HECTD2: variants seen among roughly 807,000 people sequenced by gnomAD.
HECTD2 encodes the protein HECT domain E3 ubiquitin protein ligase 2, also known as probable E3 ubiquitin-protein ligase HECTD2.
Under a neutral mutation model 103.2 loss-of-function variants are expected in HECTD2, and 35 were observed. That is an observed-to-expected ratio of 0.34 (90% confidence interval 0.26 to 0.45). HECTD2 has a LOEUF of 0.45. HECTD2 is among the 20% of genes least tolerant of loss of function. The pLI is 1.00. For synonymous variants in HECTD2, 281 were observed against 329.9 expected (o/e 0.85, Z 1.61); for missense variants, 596 against 937.4 (o/e 0.64, Z 4.76).
chr10:91,502,372 T>C (rs1404182153), intron 20 of HECTD2, among the ~76,000 whole-genome samples: 1 of 152,194 alleles, frequency 6.6e-6, no homozygotes. Context: ...AATGTTGACT[T>C]CCTCTGTAAA....
Position 91,492,590 on chromosome 10 carries a change from C to T in HECTD2, c.1432+106C>T, listed in dbSNP as rs188662839. Reference sequence around the variant, plus strand: ...TTCTGTGATTTTACAGACTTTTTGTCCATCGTAAATGTTGAATAATTGTTT... The same window carrying T: ...TTCTGTGATTTTACAGACTTTTTGTTCATCGTAAATGTTGAATAATTGTTT... On this transcript the variant is annotated intron_variant, in intron 13 of 20. Transcript: ENST00000298068. 9.7e-5 allele frequency: 86 copies of T among 882,704 alleles called. No homozygotes were observed. The East Asian group carries it at 2.1e-3, about 21-fold the overall frequency. 54.7% of individuals were successfully genotyped at this position (882,704 alleles called of 1,614,324 possible). A position where few individuals can be genotyped will look rare whatever the true frequency, so the allele number is the denominator to read the frequency against.
chr10:91,503,085 TA>T (rs1245639123), intron 20 of HECTD2, among the ~76,000 whole-genome samples: 5 of 152,112 alleles, frequency 3.3e-5, no homozygotes, highest in African/African-American at 1.2e-4. Context: ...GTAATTCCAT[TA>T]AAAGGTGGGC....
At chr10:91,412,972 G>A (rs963180124) in intron 1 of HECTD2, among the ~76,000 whole-genome samples, 1 of 151,968 alleles carries the variant, frequency 6.6e-6, no homozygotes, top group Non-Finnish European at 1.5e-5. Context: ...GCTCCTAGAG[G>A]TTTGCTTAGG....
intron 2 of HECTD2, among the ~76,000 whole-genome samples, chr10:91,435,589 T>A (rs1844080089): frequency 6.6e-6 from 1 of 152,014 alleles, no homozygotes; most frequent in African/African-American, 2.4e-5. Flanking sequence ...AGCTGCCACC[T>A]CAGGCCGCTG....
At chr10:91,469,972 CAA>C (rs990665079) in intron 5 of HECTD2, among the ~76,000 whole-genome samples, 4 of 152,114 alleles carry the variant, frequency 2.6e-5, no homozygotes, top group Admixed American at 6.5e-5. Flanking sequence ...TCAAAAAAGA[CAA>C]GAGCATTACA....
At chr10:91,455,654 A>T (rs1295139944) in intron 2 of HECTD2, among the ~76,000 whole-genome samples, 1 of 152,240 alleles carries the variant, frequency 6.6e-6, no homozygotes, top group African/African-American at 2.4e-5. Flanking sequence ...GCCCATGCCT[A>T]TGTCCTGAAT....
intron 19 of HECTD2, 143 bp downstream of exon 19, chr10:91,500,760 T>C: frequency 2.2e-6 from 1 of 458,932 alleles, no homozygotes. Flanking sequence ...ATTTTATCTC[T>C]GGAAAGTCTA....
chr10:91,439,473 T>G (rs1404694634), intron 2 of HECTD2, among the ~76,000 whole-genome samples: 1 of 152,156 alleles, frequency 6.6e-6, no homozygotes, highest in Non-Finnish European at 1.5e-5. Flanking sequence ...TCATGCTGTT[T>G]TGGTTACTGT....
chr10:91,454,101 G>T (rs1844961036), intron 2 of HECTD2, among the ~76,000 whole-genome samples: 2 of 152,088 alleles, frequency 1.3e-5, no homozygotes, highest in South Asian at 2.1e-4. Context: ...GTCTCCAACT[G>T]TAAGTGTATA....
At chr10:91,492,116 G>T (rs554083013) in intron 12 of HECTD2, among the ~76,000 whole-genome samples, 4 of 152,246 alleles carry the variant, frequency 2.6e-5, no homozygotes, top group Admixed American at 2.0e-4. Flanking sequence ...TAGATACCAG[G>T]AGGTAGTACT....
Position 91,513,195 on chromosome 10 carries a change from G to A in HECTD2, c.*811G>A, listed in dbSNP as rs938290922. 4 of 152,510 alleles carry A rather than the reference G, an allele frequency of 2.6e-5. No homozygotes were observed. The highest frequency in any genetic ancestry group is 1.3e-4 in the Admixed American group (2 of 15,266). 9.4% of individuals were successfully genotyped at this position (152,510 alleles called of 1,614,324 possible). ...TTGTATAATGATCATTTCTTCTTAAGGCTCAAGATATTAGAAAAGAAATCA... is the reference window on the plus strand; with the variant it reads ...TTGTATAATGATCATTTCTTCTTAAAGCTCAAGATATTAGAAAAGAAATCA... On this transcript the variant is annotated 3_prime_UTR_variant, in exon 21 of 21. Coordinates refer to ENST00000298068, the MANE Select transcript of HECTD2 (RefSeq NM_182765.6).
chr10:91,462,049 G>A lies in HECTD2; in HGVS notation c.511-46G>A, dbSNP rs370411502. The A allele has an allele frequency of 5.2e-6, 7 of 1,353,336 alleles. No individual in the cohort carries two copies. In the Admixed American group the frequency reaches 7.3e-5, roughly 14 times the overall value. The allele number at this position is 1,353,336 out of a possible 1,614,324, so 83.8% of individuals were successfully genotyped here. A position where few individuals can be genotyped will look rare whatever the true frequency, so the allele number is the denominator to read the frequency against. On this transcript the variant is annotated intron_variant, in intron 4 of 20. Coordinates refer to ENST00000298068, the MANE Select transcript of HECTD2 (RefSeq NM_182765.6). ...TATGGTTCAAATTTTACTAAGAATA[G>A]TCTTTAAAATGTTGAATATACTTAA...
At chr10:91,445,652 G>A (rs1844572266) in intron 2 of HECTD2, among the ~76,000 whole-genome samples, 1 of 152,110 alleles carries the variant, frequency 6.6e-6, no homozygotes, top group Admixed American at 6.6e-5. Context: ...AACGCAGAAG[G>A]CAGGTGATTT....
chr10:91,507,810 C>T (rs1199402023), intron 20 of HECTD2, among the ~76,000 whole-genome samples: 1 of 120,750 alleles, frequency 8.3e-6, no homozygotes, highest in African/African-American at 4.1e-5. Context: ...GCCCGCATCG[C>T]CAAGTCAATC....
intron 20 of HECTD2, among the ~76,000 whole-genome samples, chr10:91,506,036 CGAAAT>C (rs1212001919): frequency 6.6e-6 from 1 of 151,720 alleles, no homozygotes; most frequent in Non-Finnish European, 1.5e-5. Context: ...GGGTACATAA[CGAAAT>C]GAAGGCAGAA....
At chr10:91,463,654 A>C (rs1487260051) in intron 5 of HECTD2, 2 of 152,228 alleles carry the variant, frequency 1.3e-5, no homozygotes, top group East Asian at 3.8e-4. Context: ...GAATAAAAGA[A>C]GTAATAGCAG....
intron 5 of HECTD2, among the ~76,000 whole-genome samples, chr10:91,476,008 A>G (rs1222584839): frequency 5.3e-5 from 8 of 152,166 alleles, no homozygotes; most frequent in Non-Finnish European, 1.0e-4. Flanking sequence ...TAAGAAGGCA[A>G]AGGAGTCTAG....
intron 2 of HECTD2, among the ~76,000 whole-genome samples, chr10:91,449,006 A>G (rs1480095087): frequency 2.9e-5 from 4 of 136,072 alleles, no homozygotes; most frequent in East Asian, 2.2e-4. Context: ...AAAAAGAGGA[A>G]CTCCTCCCTA....
chr10:91,500,919 A>G (rs1046534546), intron 19 of HECTD2, among the ~76,000 whole-genome samples: 2 of 152,138 alleles, frequency 1.3e-5, no homozygotes, highest in Admixed American at 6.5e-5. Context: ...TAATAGCACT[A>G]TGTTGAAAAA....
Sources: allele counts gnomAD v4.1 joint callset (sites outside exome capture counted in the v4.1 genomes callset), GRCh38; gene constraint gnomAD v4.1.1; transcripts MANE v1.5; gene names NCBI Gene and HGNC (gene_info 2026-07-23, HGNC 2026-07-21).